DPP10: variants seen among roughly 807,000 people sequenced by gnomAD.
DPP10 encodes the protein inactive dipeptidyl peptidase 10.
In DPP10, 33 loss-of-function variants were observed where a neutral mutation model predicts 120.9. The ratio of observed to expected loss-of-function variants is 0.27; its 90% CI spans 0.21 to 0.37. DPP10 has a LOEUF of 0.37. Among genes scored for constraint, DPP10 ranks in the 10% least tolerant of loss-of-function variants. The pLI is 1.00. For synonymous variants in DPP10, 337 were observed against 326.1 expected (o/e 1.03, Z -0.36); for missense variants, 816 against 942.8 (o/e 0.87, Z 1.76).
intron 1 of DPP10, among the ~76,000 whole-genome samples, chr2:114,903,025 G>T (rs922739897): frequency 6.6e-6 from 1 of 152,094 alleles, no homozygotes; most frequent in African/African-American, 2.4e-5. Context: ...GCCTTTGCCA[G>T]AATGTTATAT....
rs1176342253 is a variant in DPP10 at position 115,842,910 on chromosome 2, T to G, written c.*565T>G. ...AAATGGGTCAAAGGACATATAGAAA[T>G]GTGGATTTCAGCACCTTCCAAAGTT... On this transcript the variant is annotated 3_prime_UTR_variant, in exon 26 of 26. Coordinates refer to ENST00000410059, the MANE Select transcript of DPP10 (RefSeq NM_020868.6). The G allele has an allele frequency of 6.5e-6, 1 of 152,828 alleles. No individual in the cohort carries two copies. The highest frequency in any genetic ancestry group is 1.5e-5 in the Non-Finnish European group (1 of 68,090). The allele number at this position is 152,828 out of a possible 1,614,324, so 9.5% of individuals were successfully genotyped here. A position where few individuals can be genotyped will look rare whatever the true frequency, so the allele number is the denominator to read the frequency against.
intron 1 of DPP10, among the ~76,000 whole-genome samples, chr2:115,191,642 G>A (rs968279070): frequency 6.6e-6 from 1 of 152,208 alleles, no homozygotes; most frequent in African/African-American, 2.4e-5. Flanking sequence ...TGACTTGGGA[G>A]GGGGCGGCGC....
chr2:115,536,042 A>G (rs2078812234), intron 5 of DPP10, among the ~76,000 whole-genome samples: 1 of 152,050 alleles, frequency 6.6e-6, no homozygotes, highest in Non-Finnish European at 1.5e-5. Flanking sequence ...CTAGATATAC[A>G]ACAACATACT....
chr2:114,811,869 A>T (rs530350451), intron 1 of DPP10, among the ~76,000 whole-genome samples: 4 of 152,336 alleles, frequency 2.6e-5, no homozygotes, highest in Non-Finnish European at 5.9e-5. Flanking sequence ...TGAGTAATTC[A>T]TATTTCCCAT....
At chr2:115,764,198 TAGAATTCAATATGTA>T (rs891910641) in intron 12 of DPP10, among the ~76,000 whole-genome samples, 6 of 152,054 alleles carry the variant, frequency 3.9e-5, no homozygotes, top group African/African-American at 1.2e-4. Flanking sequence ...ACGCCTAGTA[TAGAATTCAATATGTA>T]AGAATTCAAT....
At chr2:115,786,965 T>C (rs1683413553) in intron 17 of DPP10, among the ~76,000 whole-genome samples, 1 of 152,276 alleles carries the variant, frequency 6.6e-6, no homozygotes, top group Middle Eastern at 3.4e-3. Context: ...CACAGAGTGG[T>C]GGGATTTGCT....
chr2:114,707,975 C>T (rs1312770853), intron 1 of DPP10, among the ~76,000 whole-genome samples: 2 of 152,280 alleles, frequency 1.3e-5, no homozygotes, highest in East Asian at 3.9e-4. Flanking sequence ...ACAAACCCAG[C>T]TGCCAGAATT....
intron 1 of DPP10, among the ~76,000 whole-genome samples, chr2:114,777,405 C>A (rs1212249771): frequency 1.3e-5 from 2 of 152,006 alleles, no homozygotes; most frequent in Non-Finnish European, 2.9e-5. Context: ...GTTTTCAGGG[C>A]CCTTTTTTGA....
At position 114,841,732 on chromosome 2, in the gene DPP10, C is replaced by T. The variant is rs541911188; in HGVS notation, c.60+398894C>T. On this transcript the variant is annotated intron_variant, in intron 1 of 25. Transcript: ENST00000410059. ...CAAAGTGGAAACTCAATTCTGTGAA[C>T]TTACCCAGCACAGGATGGGGACATG... is the stretch of plus-strand genomic sequence containing the variant. Among the ~76,000 whole-genome samples, 14 of 152,174 alleles carry T rather than the reference C, an allele frequency of 9.2e-5. No homozygotes were observed. The South Asian group carries it at 2.9e-3, about 32-fold the overall frequency.
Position 114,515,031 on chromosome 2 carries a change from A to G in DPP10, c.60+72193A>G, listed in dbSNP as rs144446937. Among the ~76,000 whole-genome samples, 381 of 152,324 alleles carry G rather than the reference A, an allele frequency of 2.5e-3. 1 individual carries two copies. Among genetic ancestry groups the G allele is most frequent in the African/African-American group, 8.3e-3 (347 of 41,582 alleles). On this transcript the variant is annotated intron_variant, in intron 1 of 25. Transcript: ENST00000410059. The stretch of plus-strand genomic sequence containing the variant: ...GTTTGTAGCTATTTGCTTAACTGAA[A>G]TCTAGGTACAAGCCTCTTCAAATAA...
intron 5 of DPP10, among the ~76,000 whole-genome samples, chr2:115,656,654 T>C (rs975746355): frequency 2.6e-5 from 4 of 151,776 alleles, no homozygotes; most frequent in Admixed American, 6.6e-5. Context: ...TAGACTGTTA[T>C]GAAGAAGAAG....
intron 3 of DPP10, among the ~76,000 whole-genome samples, chr2:115,467,429 T>C (rs1012489003): frequency 6.6e-6 from 1 of 151,786 alleles, no homozygotes; most frequent in African/African-American, 2.4e-5. Context: ...ATACGAAAAT[T>C]AGCTGGGTGT....
intron 1 of DPP10, among the ~76,000 whole-genome samples, chr2:115,211,028 A>G (rs2056476741): frequency 6.6e-6 from 1 of 152,316 alleles, no homozygotes; most frequent in East Asian, 1.9e-4. Flanking sequence ...GCCAAAAGCA[A>G]TACATAATTA....
At chr2:114,473,986 C>T (rs1680159556) in intron 1 of DPP10, among the ~76,000 whole-genome samples, 1 of 152,150 alleles carries the variant, frequency 6.6e-6, no homozygotes, top group South Asian at 2.1e-4. Flanking sequence ...GAGATAGAGT[C>T]TCTCTCTGTC....
chr2:114,734,543 C>T (rs1273422597), intron 1 of DPP10, among the ~76,000 whole-genome samples: 1 of 152,130 alleles, frequency 6.6e-6, no homozygotes, highest in Non-Finnish European at 1.5e-5. Flanking sequence ...TTTCATGCCT[C>T]CCTGAAATAT....
chr2:114,477,955 GTGTGTATATGTATATATGTGTATATA>G (rs1558795221), intron 1 of DPP10, among the ~76,000 whole-genome samples: 1 of 149,664 alleles, frequency 6.7e-6, no homozygotes, highest in African/African-American at 2.5e-5. Flanking sequence ...GTACATATAT[GTGTGTATATGTATATATGTGTATATA>G]TGTACATATA....
intron 1 of DPP10, among the ~76,000 whole-genome samples, chr2:114,648,008 C>G (rs1368134649): frequency 5.3e-5 from 8 of 152,096 alleles, no homozygotes; most frequent in Admixed American, 3.9e-4. Flanking sequence ...AAGATAGAGG[C>G]AGTATAACCA....
chr2:114,659,044 C>T (rs1365415734), intron 1 of DPP10, among the ~76,000 whole-genome samples: 1 of 152,160 alleles, frequency 6.6e-6, no homozygotes. Context: ...TCTCTTCTCT[C>T]TCACGCTTCT....
rs573393565 is a variant in DPP10 at position 114,883,772 on chromosome 2, A to C, written c.61-425467A>C. 2.6e-5 allele frequency among the ~76,000 whole-genome samples: 4 copies of C among 152,326 alleles called. No individual in the cohort carries two copies. In the South Asian group the frequency reaches 8.3e-4, roughly 32 times the overall value. On this transcript the variant is annotated intron_variant, in intron 1 of 25. Coordinates refer to ENST00000410059, the MANE Select transcript of DPP10 (RefSeq NM_020868.6). ...ACCTGGGCTCGGGCTGGGTTCTGAGATGGCCTCACTCACAGGTCTGGCATT... is the reference window on the plus strand; with the variant it reads ...ACCTGGGCTCGGGCTGGGTTCTGAGCTGGCCTCACTCACAGGTCTGGCATT...
Sources: allele counts gnomAD v4.1 joint callset (sites outside exome capture counted in the v4.1 genomes callset), GRCh38; gene constraint gnomAD v4.1.1; transcripts MANE v1.5; gene names NCBI Gene and HGNC (gene_info 2026-07-23, HGNC 2026-07-21).